The following CACNA1C variants were observed in gnomAD, a reference collection of about 807,000 sequenced individuals.
The protein encoded by CACNA1C is voltage-dependent L-type calcium channel subunit alpha-1C.
In CACNA1C, 30 loss-of-function variants were observed where a neutral mutation model predicts 229.0. The observed-to-expected ratio is 0.13, with a 90% CI of 0.10 to 0.18. CACNA1C has a LOEUF of 0.18. Ranked by LOEUF, CACNA1C falls within the 10% of genes least tolerant of loss-of-function variation. The pLI is 1.00. For synonymous variants in CACNA1C, 1,114 were observed against 1,132.5 expected, an observed-to-expected ratio of 0.98 and a Z score of 0.33; for missense variants, 1,658 against 2,845.0, an observed-to-expected ratio of 0.58 and a Z score of 9.49.
At chr12:2,451,010 TTTG>T (rs887277061) in intron 4 of CACNA1C, among the ~76,000 whole-genome samples, 12 of 152,150 alleles carry the variant, frequency 7.9e-5, no homozygotes, top group South Asian at 2.1e-4. Flanking sequence ...CGTTAGGGTT[TTTG>T]TTGTTGTTGT....
intron 3 of CACNA1C, among the ~76,000 whole-genome samples, chr12:2,208,508 G>T (rs2154334771): frequency 6.6e-6 from 1 of 152,300 alleles, no homozygotes; most frequent in African/African-American, 2.4e-5. Context: ...GAGGGAGCTG[G>T]CAGGCTCTGG....
intron 3 of CACNA1C, among the ~76,000 whole-genome samples, chr12:2,133,824 G>A (rs1416962559): frequency 9.4e-5 from 4 of 42,384 alleles, no homozygotes; most frequent in Non-Finnish European, 1.3e-4. Context: ...TATTAGGTCC[G>A]CTTGGTGCAG....
At chr12:2,439,407 C>G (rs1424002400) in intron 3 of CACNA1C, among the ~76,000 whole-genome samples, 1 of 152,228 alleles carries the variant, frequency 6.6e-6, no homozygotes, top group Non-Finnish European at 1.5e-5. Flanking sequence ...GTGTGCAAAT[C>G]TACCGCATTG....
At chr12:2,433,723 G>C (rs890090566) in intron 3 of CACNA1C, among the ~76,000 whole-genome samples, 3 of 152,160 alleles carry the variant, frequency 2.0e-5, no homozygotes. Flanking sequence ...CTTGAGACAA[G>C]ATCGGCCTCC....
chr12:2,593,417 C>T lies in CACNA1C; in HGVS notation c.2663+72C>T, dbSNP rs2066430939. The T allele has an allele frequency of 5.9e-6, 9 of 1,531,112 alleles. No individual in the cohort carries two copies. The Admixed American group carries it at 1.4e-4, about 24-fold the overall frequency. The allele number at this position is 1,531,112 out of a possible 1,614,324, so 94.8% of individuals were successfully genotyped here. A position where few individuals can be genotyped will look rare whatever the true frequency, so the allele number is the denominator to read the frequency against. On this transcript the variant is annotated intron_variant, in intron 19 of 46. Coordinates refer to ENST00000399655, the MANE Select transcript of CACNA1C (RefSeq NM_000719.7). ...CAGCCTGGCAGTTGCCTGTATTTTA[C>T]CTGAACCTCTGGATGGAGACTGAGA...
chr12:2,463,178 G>C (rs1011716497), intron 5 of CACNA1C, among the ~76,000 whole-genome samples: 24 of 152,080 alleles, frequency 1.6e-4, no homozygotes, highest in Non-Finnish European at 2.4e-4. Flanking sequence ...CAAAGTGCTG[G>C]GATTACAGGC....
chr12:2,635,032 A>T (rs1258650441), intron 30 of CACNA1C, among the ~76,000 whole-genome samples: 1 of 152,140 alleles, frequency 6.6e-6, no homozygotes, highest in Non-Finnish European at 1.5e-5. Context: ...AGGATCAGTC[A>T]TGTCTGAACT....
intron 3 of CACNA1C, among the ~76,000 whole-genome samples, chr12:2,171,248 T>C (rs1352496079): frequency 1.3e-5 from 2 of 152,158 alleles, no homozygotes; most frequent in African/African-American, 4.8e-5. Flanking sequence ...GGAACAGGAC[T>C]TGCCTTGGAA....
intron 5 of CACNA1C, among the ~76,000 whole-genome samples, chr12:2,475,389 C>T (rs1049819681): frequency 1.3e-4 from 19 of 151,914 alleles, no homozygotes; most frequent in Middle Eastern, 3.4e-3. Flanking sequence ...TGAGTGAAAA[C>T]GGGGAGAAAC....
At chr12:2,539,255 C>T (rs4765694) in intron 9 of CACNA1C, among the ~76,000 whole-genome samples, 20,316 of 125,554 alleles carry the variant, frequency 0.16, 670 homozygotes, top group African/African-American at 0.28. Context: ...TTAAGGAGGG[C>T]TTCATAAAGA....
chr12:2,229,371 GT>G lies in CACNA1C; in HGVS notation c.477+108944del, dbSNP rs2064008751. On this transcript the variant is annotated intron_variant, in intron 3 of 46. Coordinates refer to ENST00000399655, the MANE Select transcript of CACNA1C (RefSeq NM_000719.7). ...CACACCTAGGAATATATACATATGCGTTTGTATATGTGTGTATGGGTTTTAA... is the reference window on the plus strand; with the variant it reads ...CACACCTAGGAATATATACATATGCGTTGTATATGTGTGTATGGGTTTTAA... Among the ~76,000 whole-genome samples the G allele has an allele frequency of 5.9e-5, 9 of 152,108 alleles. No homozygotes were observed. The South Asian group carries it at 1.9e-3, about 32-fold the overall frequency.
intron 1 of CACNA1C, among the ~76,000 whole-genome samples, chr12:2,031,329 C>A (rs1283880579): frequency 6.6e-6 from 1 of 152,190 alleles, no homozygotes; most frequent in Non-Finnish European, 1.5e-5. Flanking sequence ...TCACTCTTCT[C>A]TTCTCCAAAC....
chr12:2,274,704 G>T (rs561109737), intron 3 of CACNA1C, among the ~76,000 whole-genome samples: 1 of 152,218 alleles, frequency 6.6e-6, no homozygotes, highest in Non-Finnish European at 1.5e-5. Flanking sequence ...CTAGGAGGCC[G>T]TAATTAGTGA....
In CACNA1C at chr12:2,115,646, C is replaced by G. The variant is rs1206335953; in HGVS notation, c.371+101C>G. On this transcript the variant is annotated intron_variant, in intron 2 of 46. Coordinates refer to ENST00000399655, the MANE Select transcript of CACNA1C (RefSeq NM_000719.7). Reference sequence around the variant, plus strand: ...CACGAGCTGTGTCAGCTGTGCTGGGCTACAAACGGGGCCTCGGGCCTACTG... The same window carrying G: ...CACGAGCTGTGTCAGCTGTGCTGGGGTACAAACGGGGCCTCGGGCCTACTG... 3.8e-5 allele frequency: 45 copies of G among 1,181,292 alleles called. No homozygotes were observed. The Admixed American group carries it at 4.8e-4, about 13-fold the overall frequency. 73.2% of individuals were successfully genotyped at this position (1,181,292 alleles called of 1,614,324 possible).
intron 3 of CACNA1C, among the ~76,000 whole-genome samples, chr12:2,446,707 T>G (rs1467286067): frequency 3.9e-5 from 5 of 128,952 alleles, no homozygotes; most frequent in South Asian, 2.5e-4. Context: ...ATAGATGGAT[T>G]GATGGGTGGA....
chr12:1,978,716 T>C (rs1356309657), intron 1 of CACNA1C, among the ~76,000 whole-genome samples: 1 of 152,198 alleles, frequency 6.6e-6, no homozygotes, highest in Non-Finnish European at 1.5e-5. Context: ...AACCAATTTT[T>C]TACTTCTATC....
At chr12:2,583,569 C>G (rs572619669) in intron 15 of CACNA1C, among the ~76,000 whole-genome samples, 2 of 152,330 alleles carry the variant, frequency 1.3e-5, no homozygotes, top group African/African-American at 4.8e-5. Flanking sequence ...ATAGGAACAG[C>G]TCTGGGCCAA....
chr12:2,367,839 T>C (rs945598522), intron 3 of CACNA1C, among the ~76,000 whole-genome samples: 24 of 152,296 alleles, frequency 1.6e-4, no homozygotes, highest in Non-Finnish European at 3.1e-4. Flanking sequence ...ATTTCAACTT[T>C]AGATAATTTT....
intron 3 of CACNA1C, among the ~76,000 whole-genome samples, chr12:2,145,857 G>C (rs957733726): frequency 6.6e-6 from 1 of 151,158 alleles, no homozygotes; most frequent in Non-Finnish European, 1.5e-5. Flanking sequence ...CAGTGTAGAG[G>C]AAAATGCTGA....
Sources: allele counts gnomAD v4.1 joint callset (sites outside exome capture counted in the v4.1 genomes callset), GRCh38; gene constraint gnomAD v4.1.1; transcripts MANE v1.5; gene names NCBI Gene and HGNC (gene_info 2026-07-23, HGNC 2026-07-21).